CCSER1: variants seen among roughly 807,000 people sequenced by gnomAD.
CCSER1 encodes the protein serine-rich coiled-coil domain-containing protein 1.
A neutral mutation model predicts 82.0 loss-of-function variants in CCSER1; 41 were observed. That is an observed-to-expected ratio of 0.50 (90% confidence interval 0.39 to 0.65). The LOEUF is 0.65. CCSER1 is among the 30% of genes least tolerant of loss of function. The pLI is 0.00. For synonymous variants in CCSER1, 414 were observed against 383.9 expected, an observed-to-expected ratio of 1.08 and a Z score of -0.92; for missense variants, 1,119 against 1,064.2, an observed-to-expected ratio of 1.05 and a Z score of -0.72.
chr4:91,093,836 C>G (rs1233222224), intron 10 of CCSER1, among the ~76,000 whole-genome samples: 1 of 152,166 alleles, frequency 6.6e-6, no homozygotes, highest in Non-Finnish European at 1.5e-5. Context: ...CCAGTTGCCC[C>G]CCTTTGTAAC....
chr4:90,743,897 T>A (rs1746960254), intron 7 of CCSER1, among the ~76,000 whole-genome samples: 1 of 152,136 alleles, frequency 6.6e-6, no homozygotes, highest in African/African-American at 2.4e-5. Context: ...CATTAGCCCT[T>A]TTTTGTCCCC....
intron 9 of CCSER1, among the ~76,000 whole-genome samples, chr4:91,013,613 T>C (rs1174642037): frequency 8.1e-6 from 1 of 123,994 alleles, no homozygotes; most frequent in Non-Finnish European, 1.9e-5. Flanking sequence ...TCTTTTTTTT[T>C]TTTTTTTGAG....
Position 90,920,438 on chromosome 4 carries a change from G to A in CCSER1, c.2095-2932G>A, listed in dbSNP as rs183236885. 6.5e-4 allele frequency among the ~76,000 whole-genome samples: 98 copies of A among 151,852 alleles called. 1 individual carries two copies. Among genetic ancestry groups the A allele is most frequent in the African/African-American group, 2.2e-3 (90 of 41,470 alleles). The stretch of plus-strand genomic sequence containing the variant: ...TTGTCCCTTTAATTGACTCCCTTTA[G>A]GCAATTTTGAAGTAGTAGTTGTTTA... On this transcript the variant is annotated intron_variant, in intron 8 of 10. Transcript: ENST00000509176.
At chr4:91,471,106 CTTTAT>C (rs1046025631) in intron 10 of CCSER1, among the ~76,000 whole-genome samples, 21 of 152,088 alleles carry the variant, frequency 1.4e-4, no homozygotes, top group African/African-American at 4.8e-4. Context: ...CTAATCGTAT[CTTTAT>C]TTTAATATTT....
At chr4:90,482,163 G>A (rs1766113600) in intron 5 of CCSER1, among the ~76,000 whole-genome samples, 1 of 152,164 alleles carries the variant, frequency 6.6e-6, no homozygotes, top group Non-Finnish European at 1.5e-5. Flanking sequence ...TTGTGTAGAG[G>A]TGTTTCTAGT....
chr4:91,419,800 A>G (rs542580041), intron 10 of CCSER1, among the ~76,000 whole-genome samples: 3 of 152,220 alleles, frequency 2.0e-5, no homozygotes, highest in South Asian at 2.1e-4. Context: ...ATTCCAAACT[A>G]TATTACAAAG....
chr4:90,591,039 T>G (rs546829473), intron 5 of CCSER1, among the ~76,000 whole-genome samples: 1 of 152,246 alleles, frequency 6.6e-6, no homozygotes, highest in East Asian at 1.9e-4. Context: ...TATTCCTAGG[T>G]ATTTTATTCT....
chr4:90,605,632 A>G (rs1214235332), intron 5 of CCSER1, among the ~76,000 whole-genome samples: 1 of 152,234 alleles, frequency 6.6e-6, no homozygotes, highest in East Asian at 1.9e-4. Flanking sequence ...GTCCTAATGC[A>G]GAGGAGACAG....
chr4:90,424,086 G>A (rs1485961276), intron 4 of CCSER1, among the ~76,000 whole-genome samples: 8 of 145,372 alleles, frequency 5.5e-5, no homozygotes, highest in African/African-American at 2.0e-4. Flanking sequence ...GCAAGTCTCT[G>A]TCTCAAAAAA....
rs185324183 is a variant in CCSER1 at position 91,190,807 on chromosome 4, C to T, written c.2217+104813C>T. The stretch of plus-strand genomic sequence containing the variant: ...AGCTTATTTTCACAGCTTCCATTTC[C>T]TCTAAATGTCTGTTAATTTACTTAT... On this transcript the variant is annotated intron_variant, in intron 10 of 10. Coordinates refer to ENST00000509176, the MANE Select transcript of CCSER1 (RefSeq NM_001145065.2). Among the ~76,000 whole-genome samples the T allele has an allele frequency of 8.5e-4, 130 of 152,250 alleles. 4 individuals carry two copies. Among genetic ancestry groups the T allele is most frequent in the Admixed American group, 7.5e-3 (114 of 15,294 alleles).
chr4:91,028,823 A>G (rs1740720431), intron 9 of CCSER1, among the ~76,000 whole-genome samples: 1 of 152,066 alleles, frequency 6.6e-6, no homozygotes, highest in Non-Finnish European at 1.5e-5. Context: ...AGTCATAACC[A>G]GAGGGAATGC....
intron 4 of CCSER1, among the ~76,000 whole-genome samples, chr4:90,438,323 G>T (rs1416556722): frequency 6.6e-6 from 1 of 152,076 alleles, no homozygotes; most frequent in Non-Finnish European, 1.5e-5. Context: ...ACAATTAATG[G>T]AGTAATTTTA....
chr4:90,500,703 A>G (rs530033280), intron 5 of CCSER1, among the ~76,000 whole-genome samples: 1 of 152,104 alleles, frequency 6.6e-6, no homozygotes, highest in Non-Finnish European at 1.5e-5. Context: ...TTGGAAGAGA[A>G]GCAGCCAAGA....
At chr4:90,603,525 G>T (rs1784278182) in intron 5 of CCSER1, among the ~76,000 whole-genome samples, 1 of 152,164 alleles carries the variant, frequency 6.6e-6, no homozygotes, top group African/African-American at 2.4e-5. Context: ...CTCTTCCCTT[G>T]TATTTTAGGA....
chr4:91,471,092 T>C (rs1757249635), intron 10 of CCSER1, among the ~76,000 whole-genome samples: 1 of 152,300 alleles, frequency 6.6e-6, no homozygotes, highest in South Asian at 2.1e-4. Context: ...TACAGTGCCA[T>C]GGGCTAATCG....
intron 1 of CCSER1, among the ~76,000 whole-genome samples, chr4:90,163,013 C>G (rs1652349991): frequency 6.6e-6 from 1 of 151,964 alleles, no homozygotes; most frequent in Admixed American, 6.6e-5. Context: ...TATTTTTATT[C>G]CTGTGTTTGT....
At chr4:90,283,318 TTTTA>T (rs1326820829) in intron 1 of CCSER1, among the ~76,000 whole-genome samples, 33 of 151,902 alleles carry the variant, frequency 2.2e-4, no homozygotes, top group African/African-American at 7.5e-4. Context: ...GTTAAGTATA[TTTTA>T]TTTTTTATTT....
At chr4:90,693,200 A>G (rs1301221013) in intron 6 of CCSER1, among the ~76,000 whole-genome samples, 1 of 151,928 alleles carries the variant, frequency 6.6e-6, no homozygotes, top group Non-Finnish European at 1.5e-5. Context: ...TTCTAATAGA[A>G]GGCCTTTTAC....
At chr4:90,992,388 C>G (rs144778123) in intron 9 of CCSER1, among the ~76,000 whole-genome samples, 83 of 152,104 alleles carry the variant, frequency 5.5e-4, no homozygotes, top group African/African-American at 1.9e-3. Context: ...TAATGTAACT[C>G]TCATCTTGAT....
Sources: allele counts gnomAD v4.1 joint callset (sites outside exome capture counted in the v4.1 genomes callset), GRCh38; gene constraint gnomAD v4.1.1; transcripts MANE v1.5; gene names NCBI Gene and HGNC (gene_info 2026-07-23, HGNC 2026-07-21).